SMPD3: variants seen among roughly 807,000 people sequenced by gnomAD.
The protein encoded by SMPD3 is nSMase-2.
Under a neutral mutation model 55.7 loss-of-function variants are expected in SMPD3, and 21 were observed. The observed-to-expected ratio is 0.38, with a 90% confidence interval of 0.27 to 0.54. The LOEUF is 0.54. Ranked by LOEUF, SMPD3 falls within the 20% of genes least tolerant of loss-of-function variation. SMPD3 has a pLI of 0.80. For missense variants in SMPD3, 842 were observed against 899.6 expected, an observed-to-expected ratio of 0.94 and a Z score of 0.82; for synonymous variants, 457 against 404.3, an observed-to-expected ratio of 1.13 and a Z score of -1.56.
At chr16:68,387,818 CTAAG>C (rs773765803) in intron 1 of SMPD3, among the ~76,000 whole-genome samples, 31 of 152,360 alleles carry the variant, frequency 2.0e-4, no homozygotes, top group Non-Finnish European at 3.1e-4. Context: ...ATCACCCAAA[CTAAG>C]TGTTTCAGAA....
rs2090615329 is a variant in SMPD3 at position 68,447,002 on chromosome 16, C to A, written c.-269+1351G>T. Among the ~76,000 whole-genome samples, 1 of 152,178 alleles carries A rather than the reference C, an allele frequency of 6.6e-6. No individual in the cohort carries two copies. The highest frequency in any genetic ancestry group is 1.5e-5 in the Non-Finnish European group (1 of 68,014). On this transcript the variant is annotated intron_variant, in intron 1 of 8. Coordinates refer to ENST00000219334, the MANE Select transcript of SMPD3 (RefSeq NM_018667.4). This position sits in a 1 kb window ranked among gnomAD's most constrained non-coding sequence, Gnocchi z 5.1. ...GATTTTCCATCCCGGCTCGCGCGGG[C>A]CCGCTAGAAGCCGGTGCGCTTTGTC...
Position 68,406,502 on chromosome 16 carries a change from G to C in SMPD3, c.-268-19843C>G, listed in dbSNP as rs114535539. 3.5e-3 allele frequency among the ~76,000 whole-genome samples: 530 copies of C among 152,324 alleles called. 5 individuals carry two copies. The highest frequency in any genetic ancestry group is 0.012 in the African/African-American group (492 of 41,564). On this transcript the variant is annotated intron_variant, in intron 1 of 8. Coordinates refer to ENST00000219334, the MANE Select transcript of SMPD3 (RefSeq NM_018667.4). Reference sequence around the variant, plus strand: ...GAAGTGTCCAGCCCTCTGAAGGCCAGGATGGTGCCTGGAAAGAGGGAAGCC... The same window carrying C: ...GAAGTGTCCAGCCCTCTGAAGGCCACGATGGTGCCTGGAAAGAGGGAAGCC...
chr16:68,426,915 T>C (rs2090440222), intron 1 of SMPD3, among the ~76,000 whole-genome samples: 1 of 152,116 alleles, frequency 6.6e-6, no homozygotes. Flanking sequence ...ATTCCCATTT[T>C]ACAGATGAGG....
intron 5 of SMPD3, 182 bp downstream of exon 5, chr16:68,364,569 C>A: frequency 1.5e-6 from 1 of 686,936 alleles, no homozygotes; most frequent in Non-Finnish European, 2.4e-6. Flanking sequence ...CTAGGCAGAG[C>A]GTGGGCTCTT....
chr16:68,434,050 T>TACA (rs1275514193), intron 1 of SMPD3, among the ~76,000 whole-genome samples: 1 of 152,242 alleles, frequency 6.6e-6, no homozygotes, highest in Admixed American at 6.5e-5. Flanking sequence ...AAAACTGCTA[T>TACA]TATAATTATA....
chr16:68,379,672 C>T (rs916928971), intron 2 of SMPD3, among the ~76,000 whole-genome samples: 1 of 152,158 alleles, frequency 6.6e-6, no homozygotes, highest in Non-Finnish European at 1.5e-5. Context: ...GCTGCTTGTG[C>T]GAGCCCAAGG....
intron 1 of SMPD3, among the ~76,000 whole-genome samples, chr16:68,403,204 C>T (rs1192205087): frequency 6.6e-6 from 1 of 152,238 alleles, no homozygotes; most frequent in Non-Finnish European, 1.5e-5. Context: ...CTATTCCCTT[C>T]CCTGCTTCAT....
chr16:68,370,626 C>T (rs1330330221), intron 3 of SMPD3, among the ~76,000 whole-genome samples: 1 of 152,182 alleles, frequency 6.6e-6, no homozygotes, highest in Admixed American at 6.5e-5. Context: ...CCCAGATCAC[C>T]CAGATGGGTC....
chr16:68,405,273 G>A (rs773109553), intron 1 of SMPD3, among the ~76,000 whole-genome samples: 33 of 152,142 alleles, frequency 2.2e-4, no homozygotes, highest in African/African-American at 6.7e-4. Context: ...TGCACAGGCC[G>A]GACGTGGTTG....
intron 2 of SMPD3, among the ~76,000 whole-genome samples, chr16:68,376,994 C>G (rs1425925487): frequency 6.6e-6 from 1 of 152,068 alleles, no homozygotes; most frequent in Non-Finnish European, 1.5e-5. Context: ...GACCTCCCGA[C>G]CACTCCTCCC....
At chr16:68,401,801 T>A (rs773622093) in intron 1 of SMPD3, among the ~76,000 whole-genome samples, 11 of 152,154 alleles carry the variant, frequency 7.2e-5, no homozygotes, top group South Asian at 6.2e-4. Context: ...TCGTCGCAGA[T>A]CTTTAGAATC....
intron 2 of SMPD3, among the ~76,000 whole-genome samples, chr16:68,383,345 G>A (rs2089990190): frequency 6.6e-6 from 1 of 152,190 alleles, no homozygotes; most frequent in African/African-American, 2.4e-5. Flanking sequence ...CACACCACAA[G>A]AGAAAAGGAA....
chr16:68,430,398 TG>T (rs542291707), intron 1 of SMPD3, among the ~76,000 whole-genome samples: 9 of 152,226 alleles, frequency 5.9e-5, no homozygotes, highest in Non-Finnish European at 1.0e-4. Flanking sequence ...GATTCTGTGG[TG>T]AGAATCAATT....
chr16:68,371,759 G>C lies in SMPD3; in HGVS notation c.423C>G (p.Val141=), dbSNP rs571148216. The C allele has an allele frequency of 6.2e-7, 1 of 1,611,600 alleles. No homozygotes were observed. The highest frequency in any genetic ancestry group is 1.3e-5 in the African/African-American group (1 of 75,040). The part of the protein sequence containing the change: ...VCLLPDSLAR[V]NNLFNTQARA... ...GCGCTTGGGTGTTAAAAAGGTTGTT[G>C]ACCCTGGCGAGTGAGTCGGGCAGGA... The change falls in exon 3 of 9, where the codon GTC becomes GTG. Residue 141 remains valine, a synonymous_variant. Transcript: ENST00000219334.
rs2089066960 is a variant in SMPD3 at position 68,359,145 on chromosome 16, GC to G, written c.*2060del. 1 of 152,476 alleles carries G rather than the reference GC, an allele frequency of 6.6e-6. No individual in the cohort carries two copies. The highest frequency in any genetic ancestry group is 2.1e-4 in the South Asian group (1 of 4,840). The allele number at this position is 152,476 out of a possible 1,614,324, so 9.4% of individuals were successfully genotyped here. A position where few individuals can be genotyped will look rare whatever the true frequency, so the allele number is the denominator to read the frequency against. On this transcript the variant is annotated 3_prime_UTR_variant, in exon 9 of 9. Transcript: ENST00000219334. ...AGCTATGTTGGGGTCTGGTGTGGGG[GC>G]CCTGCCCGGGCCTCAACTGCTCTCC...
chr16:68,436,124 C>T (rs1482205673), intron 1 of SMPD3, among the ~76,000 whole-genome samples: 1 of 152,178 alleles, frequency 6.6e-6, no homozygotes, highest in East Asian at 1.9e-4. Context: ...GCTGCTCCAC[C>T]CACATAGTCA....
At chr16:68,364,607 G>A (rs148277783) in intron 5 of SMPD3, 144 bp downstream of exon 5, 384 of 909,652 alleles carry the variant, frequency 4.2e-4, no homozygotes, top group Non-Finnish European at 5.6e-4. Context: ...AGGGGGCAGA[G>A]AAATCAGTCT....
intron 7 of SMPD3, among the ~76,000 whole-genome samples, chr16:68,362,650 G>T (rs1022677221): frequency 6.6e-6 from 1 of 152,240 alleles, no homozygotes; most frequent in Non-Finnish European, 1.5e-5. Flanking sequence ...GGCACCCGGC[G>T]AGGCAGGGCC....
At chr16:68,389,603 C>T (rs8046501) in intron 1 of SMPD3, among the ~76,000 whole-genome samples, 21,201 of 152,172 alleles carry the variant, frequency 0.14, 1,704 homozygotes, top group South Asian at 0.17. Context: ...CATGGTGATA[C>T]TGGGGCCAGG....
Sources: gnomAD v4.1 joint callset for allele counts (sites outside exome capture counted in the v4.1 genomes callset) on GRCh38, gnomAD v4.1.1 for gene constraint, Gnocchi (gnomAD v3.1) non-coding constraint, MANE v1.5 for transcripts, NCBI Gene and HGNC (gene_info 2026-07-23, HGNC 2026-07-21) for gene names.